Variants in TACO1 observed in about 807,000 individuals in gnomAD.
The protein encoded by TACO1 is translational activator of cytochrome c oxidase 1.
A neutral mutation model predicts 24.0 loss-of-function variants in TACO1; 13 were observed. The ratio of observed to expected loss-of-function variants is 0.54; its 90% CI spans 0.35 to 0.86. TACO1 has a LOEUF of 0.86. Among genes scored for constraint, TACO1 ranks in the 40% least tolerant of loss-of-function variants. The pLI is 0.01. For synonymous variants in TACO1, 149 were observed against 153.5 expected, an observed-to-expected ratio of 0.97 and a Z score of 0.22; for missense variants, 352 against 380.1, an observed-to-expected ratio of 0.93 and a Z score of 0.61.
intron 3 of TACO1, chr17:63,606,810 A>C (rs1568112412): frequency 2.8e-6 from 1 of 363,604 alleles, no homozygotes; most frequent in Non-Finnish European, 5.2e-6. Flanking sequence ...CAGCCTCCCA[A>C]AGTGCTGGGA....
intron 2 of TACO1, 79 bp downstream of exon 2, chr17:63,604,719 A>C: frequency 7.6e-7 from 1 of 1,317,360 alleles, no homozygotes; most frequent in Non-Finnish European, 1.1e-6. Flanking sequence ...AACACACTGT[A>C]AATTATCAGA....
rs1310310869 is a variant in TACO1 at position 63,601,062 on chromosome 17, T to G, written c.-22T>G. On this transcript the variant is annotated 5_prime_UTR_variant, in exon 1 of 5. Transcript: ENST00000258975. ...GGCGTTGGCCGCTGCTGCTAGCAGCTTGAACCCCAGGGTCGGGACCGATGT... is the reference window on the plus strand; with the variant it reads ...GGCGTTGGCCGCTGCTGCTAGCAGCGTGAACCCCAGGGTCGGGACCGATGT... The G allele has an allele frequency of 1.3e-6, 2 of 1,538,550 alleles. No individual in the cohort carries two copies. The highest frequency in any genetic ancestry group is 2.0e-5 in the Admixed American group (1 of 50,948).
Position 63,606,375 on chromosome 17 carries a change from C to G in TACO1, c.450C>G (p.Ile150Met), listed in dbSNP as rs1242015445. The G allele has an allele frequency of 6.2e-7, 1 of 1,613,884 alleles. No homozygotes were observed. Among genetic ancestry groups the G allele is most frequent in the African/African-American group, 1.3e-5 (1 of 74,894 alleles). The change falls in exon 3 of 5, where the codon ATC becomes ATG. Residue 150 changes from isoleucine to methionine, a missense_variant. Coordinates refer to ENST00000258975, the MANE Select transcript of TACO1 (RefSeq NM_016360.4). ...GCCCTGGTGGCTCTTCTCTGCTCATCGAGGCATTATCTAACAGTAGCCACA... is the reference window on the plus strand; with the variant it reads ...GCCCTGGTGGCTCTTCTCTGCTCATGGAGGCATTATCTAACAGTAGCCACA... Reference protein sequence around the residue: ...GRGPGGSSLLIEALSNSSHKC... With the variant: ...GRGPGGSSLLMEALSNSSHKC...
chr17:63,606,010 T>A (rs1179403170), intron 2 of TACO1, among the ~76,000 whole-genome samples: 1 of 151,656 alleles, frequency 6.6e-6, no homozygotes, highest in Non-Finnish European at 1.5e-5. Context: ...GGAGGATGAG[T>A]CTGAGTGGGA....
intron 1 of TACO1, among the ~76,000 whole-genome samples, chr17:63,604,143 G>A (rs1265364624): frequency 1.3e-5 from 2 of 151,960 alleles, no homozygotes; most frequent in African/African-American, 2.4e-5. Flanking sequence ...TTCGAGACCA[G>A]CCTGGCCAAC....
intron 1 of TACO1, 32 bp downstream of exon 1, chr17:63,601,395 G>A (rs1485418598): frequency 6.2e-7 from 1 of 1,607,850 alleles, no homozygotes; most frequent in South Asian, 1.1e-5. Flanking sequence ...AGCACTGGCT[G>A]CCGCTGCCCT....
At chr17:63,607,731 T>G (rs2033873819) in intron 4 of TACO1, 71 bp from the exon 5 acceptor site, 5 of 1,430,530 alleles carry the variant, frequency 3.5e-6, no homozygotes, top group Non-Finnish European at 4.9e-6. Context: ...ATTCAGGACT[T>G]TGCAAGGTCC....
chr17:63,604,064 G>A (rs964154795), intron 1 of TACO1, among the ~76,000 whole-genome samples: 2 of 151,604 alleles, frequency 1.3e-5, no homozygotes, highest in African/African-American at 4.9e-5. Context: ...CAGGCCAGGG[G>A]CAGTGGCTCA....
intron 1 of TACO1, 125 bp from the exon 2 acceptor site, chr17:63,604,409 A>G: frequency 1.3e-6 from 1 of 796,492 alleles, no homozygotes; most frequent in Non-Finnish European, 2.2e-6. Context: ...ATTCTAAGGT[A>G]ACTGAGAGCT....
rs770446574 is a variant in TACO1 at position 63,601,180 on chromosome 17, C to T, written c.97C>T (p.Arg33Trp). Reference protein sequence around the residue: ...GVRAAPPRDPRPSHPEPRGCG... With the variant: ...GVRAAPPRDPWPSHPEPRGCG... ...CAGGGCGGCTCCTCCGCGCGACCCC[C>T]GGCCCTCCCACCCCGAGCCCCGGGG... Residue 33 changes from arginine to tryptophan, a missense_variant, in exon 1 of 5, where the codon CGG (arginine) becomes TGG (tryptophan). Physicochemically the swap from Arg to Trp is moderately radical, Grantham distance 101. Transcript: ENST00000258975. The T allele has an allele frequency of 6.4e-7, 1 of 1,550,660 alleles. No individual in the cohort carries two copies. The highest frequency in any genetic ancestry group is 1.2e-5 in the South Asian group (1 of 84,398).
chr17:63,602,971 C>T (rs868758731), intron 1 of TACO1, among the ~76,000 whole-genome samples: 1 of 152,164 alleles, frequency 6.6e-6, no homozygotes, highest in Non-Finnish European at 1.5e-5. Context: ...CACGGTGGCT[C>T]ACACCTGTAA....
chr17:63,607,488 T>G (rs1455746862), intron 4 of TACO1, 24 bp downstream of exon 4: 2 of 1,613,984 alleles, frequency 1.2e-6, no homozygotes, highest in East Asian at 4.5e-5. Context: ...CATGGGTGTT[T>G]GGTGGGCTTC....
chr17:63,604,766 C>T, intron 2 of TACO1, 126 bp downstream of exon 2: 1 of 891,520 alleles, frequency 1.1e-6, no homozygotes, highest in Non-Finnish European at 1.8e-6. Context: ...ATAATCCCAG[C>T]ACTTTGGGAG....
Position 63,608,349 on chromosome 17 carries a change from G to T in TACO1, c.*347G>T. 1 of 370,380 alleles carries T rather than the reference G, an allele frequency of 2.7e-6. No individual in the cohort carries two copies. The allele number at this position is 370,380 out of a possible 1,614,324, so 22.9% of individuals were successfully genotyped here. A position where few individuals can be genotyped will look rare whatever the true frequency, so the allele number is the denominator to read the frequency against. On this transcript the variant is annotated 3_prime_UTR_variant, in exon 5 of 5. Transcript: ENST00000258975. ...AGAAACTGCTCTTAATAATAACGGT[G>T]ATTATTGGTTGCTGCATTGCTGTTG...
intron 1 of TACO1, among the ~76,000 whole-genome samples, chr17:63,602,698 T>G (rs1194001611): frequency 6.6e-6 from 1 of 151,968 alleles, no homozygotes; most frequent in South Asian, 2.1e-4. Flanking sequence ...GGCTAAATTT[T>G]TTTGTATTTT....
At chr17:63,604,499 G>A (rs769067162) in intron 1 of TACO1, 35 bp from the exon 2 acceptor site, 4 of 1,566,128 alleles carry the variant, frequency 2.6e-6, no homozygotes, top group Non-Finnish European at 3.5e-6. Context: ...AGATGTCTTT[G>A]CTCACTCTTT....
At chr17:63,605,559 G>A (rs921312115) in intron 2 of TACO1, among the ~76,000 whole-genome samples, 5 of 152,180 alleles carry the variant, frequency 3.3e-5, no homozygotes, top group South Asian at 4.1e-4. Context: ...GACTCAAGTC[G>A]CATAGAAAAT....
chr17:63,601,450 T>G, intron 1 of TACO1, 87 bp downstream of exon 1: 6 of 1,432,294 alleles, frequency 4.2e-6, no homozygotes, highest in Admixed American at 3.7e-5. Context: ...TGGGCCCACC[T>G]AGATCTCCGG....
Position 63,601,014 on chromosome 17 carries a change from T to C in TACO1, c.-70T>C. On this transcript the variant is annotated 5_prime_UTR_variant, in exon 1 of 5. Coordinates refer to ENST00000258975, the MANE Select transcript of TACO1 (RefSeq NM_016360.4). ...GGCCGCGGGGTCCGGAACTGCTTGT[T>C]CCGGCAGTGGAAGAGACGCGCCGGC... is the stretch of plus-strand genomic sequence containing the variant. 3 of 1,516,028 alleles carry C rather than the reference T, an allele frequency of 2.0e-6. No individual in the cohort carries two copies. The highest frequency in any genetic ancestry group is 2.7e-6 in the Non-Finnish European group (3 of 1,130,404). 93.9% of individuals were successfully genotyped at this position (1,516,028 alleles called of 1,614,324 possible).
Sources: gnomAD v4.1 joint callset for allele counts (sites outside exome capture counted in the v4.1 genomes callset) on GRCh38, gnomAD v4.1.1 for gene constraint, MANE v1.5 for transcripts, NCBI Gene and HGNC (gene_info 2026-07-23, HGNC 2026-07-21) for gene names.